Variants in COL25A1 observed in about 807,000 individuals in gnomAD.
COL25A1 encodes collagen type XXV alpha 1 chain, also known as collagen alpha-1(XXV) chain.
A neutral mutation model predicts 128.4 loss-of-function variants in COL25A1; 103 were observed. The observed-to-expected ratio is 0.80, with a 90% confidence interval of 0.68 to 0.94. COL25A1 has a LOEUF of 0.94. COL25A1 is among the 40% of genes least tolerant of loss of function. The pLI is 0.00. For missense variants in COL25A1, 745 were observed against 840.0 expected (o/e 0.89, Z 1.40); for synonymous variants, 279 against 277.2 (o/e 1.01, Z -0.06).
intron 3 of COL25A1, among the ~76,000 whole-genome samples, chr4:109,242,717 T>G (rs1779980772): frequency 6.6e-6 from 1 of 152,092 alleles, no homozygotes; most frequent in Admixed American, 6.6e-5. Flanking sequence ...TTTAATTCTT[T>G]TATTTCCAGA....
intron 3 of COL25A1, among the ~76,000 whole-genome samples, chr4:109,248,720 C>G (rs373557098): frequency 6.6e-6 from 1 of 152,048 alleles, no homozygotes; most frequent in Non-Finnish European, 1.5e-5. Context: ...TCCAGCTCTC[C>G]GGTGAACAGC....
chr4:108,909,870 T>C (rs1033139815), intron 13 of COL25A1, among the ~76,000 whole-genome samples: 1 of 152,148 alleles, frequency 6.6e-6, no homozygotes, highest in Non-Finnish European at 1.5e-5. Context: ...GCCCTAGTTC[T>C]CTCTAGGAGG....
At chr4:108,818,732 GTCT>G (rs1410131897) in intron 36 of COL25A1, among the ~76,000 whole-genome samples, 1 of 152,136 alleles carries the variant, frequency 6.6e-6, no homozygotes, top group African/African-American at 2.4e-5. Context: ...GAGAAGTTTG[GTCT>G]TCTTCTTTGT....
chr4:109,014,710 T>C (rs1757049972), intron 5 of COL25A1, among the ~76,000 whole-genome samples: 1 of 152,196 alleles, frequency 6.6e-6, no homozygotes, highest in South Asian at 2.1e-4. Context: ...AGAACTCAGA[T>C]TACTCTAACA....
At chr4:109,014,808 G>A (rs1314656268) in intron 5 of COL25A1, among the ~76,000 whole-genome samples, 2 of 152,162 alleles carry the variant, frequency 1.3e-5, no homozygotes, top group Non-Finnish European at 2.9e-5. Flanking sequence ...TGATAGAGAC[G>A]CTTCCCAGAG....
chr4:109,234,112 G>A (rs1226544441), intron 3 of COL25A1, among the ~76,000 whole-genome samples: 2 of 152,018 alleles, frequency 1.3e-5, no homozygotes, highest in South Asian at 2.1e-4. Context: ...AAAAAATAAT[G>A]GGTAGAAGCC....
At chr4:108,898,745 T>G (rs931955555) in intron 15 of COL25A1, among the ~76,000 whole-genome samples, 2 of 152,100 alleles carry the variant, frequency 1.3e-5, no homozygotes, top group South Asian at 4.1e-4. Context: ...GCAGACCAGA[T>G]TTTGCAGGCC....
intron 15 of COL25A1, among the ~76,000 whole-genome samples, 197 bp from the exon 16 acceptor site, chr4:108,896,908 A>C (rs370834314): frequency 1.1e-4 from 17 of 152,344 alleles, no homozygotes; most frequent in African/African-American, 4.1e-4. Context: ...AACATGGCTG[A>C]ACAGTTTTAA....
In COL25A1 at chr4:108,918,201, G is replaced by A. The variant is rs1485343371; in HGVS notation, c.751C>T (p.Pro251Ser). 1 of 1,598,260 alleles carries A rather than the reference G, an allele frequency of 6.3e-7. No homozygotes were observed. The highest frequency in any genetic ancestry group is 2.2e-5 in the East Asian group (1 of 44,456). Residue 251 changes from proline to serine, a missense_variant, in exon 13 of 38, where the codon CCT (proline) becomes TCT (serine). Physicochemically the swap from Pro to Ser is moderately conservative, Grantham distance 74. Around this residue, in one of 3 missense-constraint regions of COL25A1, gnomAD observed 319 missense variants for 324.9 expected, o/e 0.98. Coordinates refer to ENST00000399132, the MANE Select transcript of COL25A1 (RefSeq NM_198721.4). ...TGCCCATTCATCCCTGGAATTCCAG[G>A]TGCTCCAATAGAACCCTAAAGAGAC... Reference protein sequence around the residue: ...PPGQKGSIGAPGIPGMNGQKG... With the variant: ...PPGQKGSIGASGIPGMNGQKG...
At chr4:109,088,134 A>G (rs1764572978) in intron 3 of COL25A1, among the ~76,000 whole-genome samples, 1 of 151,880 alleles carries the variant, frequency 6.6e-6, no homozygotes, top group African/African-American at 2.4e-5. Context: ...TGCTGCTCTT[A>G]TTGACAGATG....
rs748846125 is a variant in COL25A1 at position 108,940,593 on chromosome 4, T to A, written c.618A>T (p.Arg206Ser). ...CTTTCCCTGTGTCCCCAGGTGGCCC[T>A]CTTGGGCCTGGAGGGCCAGGGGGTC... is the stretch of plus-strand genomic sequence containing the variant. ...PPGPPGPPGP[R>S]GPPGDTGKDG... Residue 206 changes from arginine to serine, a missense_variant, in exon 10 of 38, where the codon AGA (arginine) becomes AGT (serine). Around this residue, in one of 3 missense-constraint regions of COL25A1, gnomAD observed 319 missense variants for 324.9 expected, o/e 0.98. Coordinates refer to ENST00000399132, the MANE Select transcript of COL25A1 (RefSeq NM_198721.4). 2 of 1,612,596 alleles carry A rather than the reference T, an allele frequency of 1.2e-6. No homozygotes were observed. Among genetic ancestry groups the A allele is most frequent in the African/African-American group, 2.7e-5 (2 of 74,936 alleles).
rs549715181 is a variant in COL25A1 at position 108,977,632 on chromosome 4, C to T, written c.439-3073G>A. ...AGTAGCATGTTAGTTAACTTTATTT[C>T]GATTTTTACACACATTTGTTGAATG... On this transcript the variant is annotated intron_variant, in intron 6 of 37. Transcript: ENST00000399132. Among the ~76,000 whole-genome samples, 104 of 152,222 alleles carry T rather than the reference C, an allele frequency of 6.8e-4. 4 individuals are homozygous for T. In the South Asian group the frequency reaches 0.016, roughly 23 times the overall value.
At chr4:109,119,935 C>G (rs1454067832) in intron 3 of COL25A1, among the ~76,000 whole-genome samples, 1 of 151,830 alleles carries the variant, frequency 6.6e-6, no homozygotes, top group African/African-American at 2.4e-5. Context: ...AATGATACAC[C>G]AAAACCAACT....
In COL25A1 at chr4:109,220,791, A is replaced by G. The variant is rs1778354796; in HGVS notation, c.367+79792T>C. Among the ~76,000 whole-genome samples the G allele has an allele frequency of 3.9e-5, 6 of 152,282 alleles. No homozygotes were observed. In the South Asian group the frequency reaches 1.2e-3, roughly 32 times the overall value. On this transcript the variant is annotated intron_variant, in intron 3 of 37. Transcript: ENST00000399132. Reference sequence around the variant, plus strand: ...TTTTCTTTCTTTTTAGTACTCAAACATACTATGATTTATTCCCTATAATAC... The same window carrying G: ...TTTTCTTTCTTTTTAGTACTCAAACGTACTATGATTTATTCCCTATAATAC...
chr4:108,938,239 T>G (rs749533550), intron 10 of COL25A1, among the ~76,000 whole-genome samples: 23 of 152,206 alleles, frequency 1.5e-4, no homozygotes, highest in Non-Finnish European at 1.9e-4. Context: ...TCATTAAATT[T>G]GATAGAGAAA....
At chr4:109,010,656 C>A (rs1406671376) in intron 5 of COL25A1, among the ~76,000 whole-genome samples, 1 of 152,142 alleles carries the variant, frequency 6.6e-6, no homozygotes, top group African/African-American at 2.4e-5. Flanking sequence ...AAAGAGAAGG[C>A]AGAAGGAATA....
At chr4:108,836,291 AT>A (rs1322082939) in intron 31 of COL25A1, among the ~76,000 whole-genome samples, 3 of 152,216 alleles carry the variant, frequency 2.0e-5, no homozygotes, top group African/African-American at 7.2e-5. Flanking sequence ...ATAGCCCTAA[AT>A]TTTAAAAAAG....
intron 3 of COL25A1, among the ~76,000 whole-genome samples, chr4:109,155,415 G>A (rs1771933242): frequency 6.6e-6 from 1 of 152,120 alleles, no homozygotes; most frequent in South Asian, 2.1e-4. Context: ...ACACCGTAAG[G>A]TACTTAAATT....
chr4:108,869,176 C>A, intron 19 of COL25A1, 26 bp from the exon 20 acceptor site: 1 of 1,106,626 alleles, frequency 9.0e-7, no homozygotes, highest in Non-Finnish European at 1.3e-6. Flanking sequence ...CATATGAGAT[C>A]ATTAATCATT....
Sources: allele counts gnomAD v4.1 joint callset (sites outside exome capture counted in the v4.1 genomes callset), GRCh38; gene constraint gnomAD v4.1.1; regional missense constraint gnomAD v4.1.1; transcripts MANE v1.5; gene names NCBI Gene and HGNC (gene_info 2026-07-23, HGNC 2026-07-21).